Variants in CPS1 observed in about 807,000 individuals in gnomAD.
The protein encoded by CPS1 is carbamoyl-phosphate synthase [ammonia], mitochondrial.
Under a neutral mutation model 174.6 loss-of-function variants are expected in CPS1, and 109 were observed. The observed-to-expected ratio is 0.62, with a 90% CI of 0.53 to 0.73. The LOEUF is 0.73. Ranked by LOEUF, CPS1 falls within the 30% of genes least tolerant of loss-of-function variation. The pLI is 0.00. For missense variants in CPS1, 1,689 were observed against 1,821.9 expected, an observed-to-expected ratio of 0.93 and a Z score of 1.33; for synonymous variants, 637 against 632.0, an observed-to-expected ratio of 1.01 and a Z score of -0.12.
At chr2:210,487,700 A>T (rs114349704) in intron 1 of CPS1, among the ~76,000 whole-genome samples, 30,736 of 150,616 alleles carry the variant, frequency 0.2, 3,605 homozygotes, top group Middle Eastern at 0.33. Flanking sequence ...TTTTTTTTTT[A>T]AAGCGAAATC....
At position 210,668,472 on chromosome 2, in the gene CPS1, C is replaced by T. The variant is rs78641711; in HGVS notation, c.4101+188C>T. On this transcript the variant is annotated intron_variant, in intron 34 of 37. Coordinates refer to ENST00000233072, the MANE Select transcript of CPS1 (RefSeq NM_001875.5). ...GATTTTGCCTTCTGTTGTATCAGCCCGTGCAAAAATAAAATACAGACAGAA... is the reference window on the plus strand; with the variant it reads ...GATTTTGCCTTCTGTTGTATCAGCCTGTGCAAAAATAAAATACAGACAGAA... Among the ~76,000 whole-genome samples, 388 of 152,152 alleles carry T rather than the reference C, an allele frequency of 2.6e-3. 4 individuals are homozygous for T. Among genetic ancestry groups the T allele is most frequent in the South Asian group, 4.6e-3 (22 of 4,816 alleles).
At chr2:210,557,253 C>A (rs1221724151) in intron 1 of CPS1, among the ~76,000 whole-genome samples, 1 of 152,028 alleles carries the variant, frequency 6.6e-6, no homozygotes, top group Non-Finnish European at 1.5e-5. Context: ...AAGGTCTGTT[C>A]TATAAATAGG....
At position 210,657,854 on chromosome 2, in the gene CPS1, C is replaced by T. The variant is rs542528366; in HGVS notation, c.3667-745C>T. Among the ~76,000 whole-genome samples, 5 of 152,190 alleles carry T rather than the reference C, an allele frequency of 3.3e-5. No individual in the cohort carries two copies. In the East Asian group the frequency reaches 9.6e-4, roughly 29 times the overall value. ...AAAAAGTCCTTGGATCTCAAATGTA[C>T]TTCAGTTTCTCATGTCAGGATAAAT... is the stretch of plus-strand genomic sequence containing the variant. On this transcript the variant is annotated intron_variant, in intron 30 of 37. Transcript: ENST00000233072.
intron 32 of CPS1, among the ~76,000 whole-genome samples, chr2:210,661,556 T>C (rs575291350): frequency 7.9e-5 from 12 of 152,276 alleles, no homozygotes; most frequent in African/African-American, 2.9e-4. Flanking sequence ...GAACTTTAAG[T>C]TGAAGTTGTG....
rs770287595 is a variant in CPS1, at chr2:210,648,002, C to T, written c.3281C>T (p.Ala1094Val). ...GCTGAGGATCGCTCCATCTTCTCAG[C>T]TGTCTTGGATGAGCTGAAGGTGGCT... ...DRAEDRSIFS[A>V]VLDELKVAQA... is the part of the protein sequence containing the mutation. The change falls in exon 26 of 38, where the codon GCT (alanine) becomes GTT (valine). Residue 1094 changes from alanine to valine, a missense_variant. Coordinates refer to ENST00000233072, the MANE Select transcript of CPS1 (RefSeq NM_001875.5). The T allele has an allele frequency of 6.2e-7, 1 of 1,614,042 alleles. No homozygotes were observed. The highest frequency in any genetic ancestry group is 1.7e-5 in the Admixed American group (1 of 60,004).
At chr2:210,523,590 G>A (rs1302058178) in intron 1 of CPS1, among the ~76,000 whole-genome samples, 1 of 151,924 alleles carries the variant, frequency 6.6e-6, no homozygotes, top group African/African-American at 2.4e-5. Flanking sequence ...ATGAGGACAT[G>A]AGGTCTTTGA....
rs35198456 is a variant in CPS1 at position 210,486,982 on chromosome 2, T to TTTTATTTATTTATTTATTTA, written c.3+9220_3+9239dup. Among the ~76,000 whole-genome samples the TTTTATTTATTTATTTATTTA allele has an allele frequency of 4.7e-3, 710 of 151,368 alleles. 8 individuals are homozygous for TTTTATTTATTTATTTATTTA. Among genetic ancestry groups the TTTTATTTATTTATTTATTTA allele is most frequent in the African/African-American group, 0.016 (655 of 41,120 alleles). On this transcript the variant is annotated intron_variant, in intron 1 of 38. Coordinates refer to the CPS1 transcript ENST00000430249. ...CAAGCCTAAAAACAGGACCCATGCCTTTTATTTATTTATTTATTTATTTTT... is the reference window on the plus strand; with the variant it reads ...CAAGCCTAAAAACAGGACCCATGCCTTTTATTTATTTATTTATTTATTTATTTATTTATTTATTTATTTTT...
At chr2:210,556,267 G>A, upstream of CPS1, 2 of 440,666 alleles carry the variant, frequency 4.5e-6, no homozygotes, top group Non-Finnish European at 9.1e-6. Context: ...GCTTTCTTTG[G>A]GAATCCAAAA....
intron 3 of CPS1, among the ~76,000 whole-genome samples, chr2:210,576,970 A>G (rs1280849319): frequency 6.6e-6 from 1 of 152,182 alleles, no homozygotes; most frequent in Non-Finnish European, 1.5e-5. Flanking sequence ...TCAAAAATTT[A>G]TATTCCAAAT....
At chr2:210,599,822 T>G (rs1379475946) in intron 14 of CPS1, among the ~76,000 whole-genome samples, 1 of 151,960 alleles carries the variant, frequency 6.6e-6, no homozygotes, top group African/African-American at 2.4e-5. Context: ...ATTTCTCTAC[T>G]CTATCGCAGG....
At chr2:210,558,031 GGAGA>G (rs368957200) in intron 1 of CPS1, among the ~76,000 whole-genome samples, 2 of 150,788 alleles carry the variant, frequency 1.3e-5, no homozygotes, top group East Asian at 3.9e-4. Context: ...GGGATGGGAG[GGAGA>G]GAGAGAGAGA....
chr2:210,591,792 T>C, intron 9 of CPS1, 39 bp from the exon 10 acceptor site: 1 of 1,604,614 alleles, frequency 6.2e-7, no homozygotes, highest in Non-Finnish European at 8.5e-7. Context: ...TTCTCTTCAC[T>C]TTTCCTTTTC....
intron 21 of CPS1, among the ~76,000 whole-genome samples, chr2:210,633,796 G>A (rs778012310): frequency 6.6e-6 from 1 of 152,122 alleles, no homozygotes; most frequent in Non-Finnish European, 1.5e-5. Context: ...GACTGAAAAA[G>A]CTAAAGATAA....
chr2:210,556,951 T>C, intron 1 of CPS1, 92 bp downstream of exon 1: 1 of 1,402,806 alleles, frequency 7.1e-7, no homozygotes, highest in Non-Finnish European at 1.0e-6. Context: ...AATACAGTTT[T>C]GAATGTAGCT....
chr2:210,503,424 C>G (rs922914511), intron 1 of CPS1, among the ~76,000 whole-genome samples: 29 of 152,182 alleles, frequency 1.9e-4, no homozygotes, highest in Middle Eastern at 3.4e-3. Flanking sequence ...AAGTAAAACC[C>G]CCGGCATAAA....
At chr2:210,543,537 G>A (rs182141857) in intron 1 of CPS1, among the ~76,000 whole-genome samples, 14 of 151,866 alleles carry the variant, frequency 9.2e-5, no homozygotes, top group Middle Eastern at 3.4e-3. Context: ...CAGTTTCCTC[G>A]GACTGTTTTA....
intron 21 of CPS1, among the ~76,000 whole-genome samples, chr2:210,623,169 T>TG (rs1699585911): frequency 6.6e-6 from 1 of 152,144 alleles, no homozygotes; most frequent in Non-Finnish European, 1.5e-5. Flanking sequence ...TGGTCCATTT[T>TG]GCTCTCTTGT....
intron 25 of CPS1, among the ~76,000 whole-genome samples, chr2:210,643,520 G>A (rs1700288608): frequency 6.6e-6 from 1 of 152,034 alleles, no homozygotes; most frequent in Non-Finnish European, 1.5e-5. Flanking sequence ...ATTTCTTTAA[G>A]TTACATAAAT....
intron 1 of CPS1, among the ~76,000 whole-genome samples, chr2:210,514,086 C>T (rs900088575): frequency 6.6e-6 from 1 of 151,976 alleles, no homozygotes; most frequent in Non-Finnish European, 1.5e-5. Flanking sequence ...GTTACTGTAG[C>T]TTTATAGTAT....
Sources: allele counts gnomAD v4.1 joint callset (sites outside exome capture counted in the v4.1 genomes callset), GRCh38; gene constraint gnomAD v4.1.1; transcripts MANE v1.5; gene names NCBI Gene and HGNC (gene_info 2026-07-23, HGNC 2026-07-21).